The following AGL variants were observed in gnomAD, a reference collection of about 807,000 sequenced individuals.
AGL encodes the protein glycogen debranching enzyme.
A neutral mutation model predicts 199.3 loss-of-function variants in AGL; 128 were observed. The ratio of observed to expected loss-of-function variants is 0.64; its 90% CI spans 0.56 to 0.74. The LOEUF (loss-of-function observed/expected upper bound fraction) is 0.74, where lower values mean the gene tolerates loss of function less well. AGL is among the 30% of genes least tolerant of loss of function. AGL has a pLI of 0.00. For missense variants in AGL, 1,809 were observed against 1,820.8 expected (o/e 0.99, Z 0.12); for synonymous variants, 584 against 594.7 (o/e 0.98, Z 0.26).
At position 99,875,416 on chromosome 1, in the gene AGL, A is replaced by C; in HGVS notation, c.1244A>C (p.Lys415Thr). The C allele has an allele frequency of 1.2e-6, 2 of 1,614,154 alleles. No homozygotes were observed. The highest frequency in any genetic ancestry group is 1.7e-6 in the Non-Finnish European group (2 of 1,180,012). Residue 415 changes from lysine to threonine, a missense_variant, in exon 10 of 34, where the codon AAA becomes ACA. Physicochemically the swap from Lys to Thr is moderately conservative, Grantham distance 78. Transcript: ENST00000361915. ...FYERLAGHGP[K>T]LGPVTRKHPL... ...GAACGACTGGCTGGCCATGGTCCAA[A>C]ACTAGGACCTGTCACTAGAAAGCAT...
intron 13 of AGL, 39 bp from the exon 14 acceptor site, chr1:99,880,593 A>G (rs377409530): frequency 2.6e-5 from 42 of 1,601,920 alleles, no homozygotes; most frequent in Non-Finnish European, 3.5e-5. Flanking sequence ...CTGGACATAA[A>G]TAATGAAGAT....
intron 24 of AGL, among the ~76,000 whole-genome samples, chr1:99,894,343 C>T (rs1166153313): frequency 6.6e-6 from 1 of 152,110 alleles, no homozygotes; most frequent in Non-Finnish European, 1.5e-5. Context: ...TTGACTTTTT[C>T]ACAAAGACAG....
chr1:99,896,868 C>T (rs533860748), intron 25 of AGL, among the ~76,000 whole-genome samples: 9 of 152,138 alleles, frequency 5.9e-5, no homozygotes, highest in East Asian at 5.8e-4. Flanking sequence ...TGGAGTGCAG[C>T]GGCACAGTCT....
rs775498547 is a variant in AGL at position 99,902,707 on chromosome 1, C to A, written c.3613C>A (p.Gln1205Lys). The change falls in exon 27 of 34, where the codon CAG (glutamine) becomes AAG (lysine). Residue 1205 changes from glutamine (Q) to lysine (K), a missense_variant. Physicochemically the swap from Gln to Lys is moderately conservative, Grantham distance 53. Transcript: ENST00000361915. ...TLDQPLFEVIQEAMQKHMQGI... is the reference protein window; with the variant it reads ...TLDQPLFEVIKEAMQKHMQGI... Reference sequence around the variant, plus strand: ...GGATCAGCCATTGTTTGAAGTCATACAGGAAGCAATGCAAAAACACATGCA... The same window carrying A: ...GGATCAGCCATTGTTTGAAGTCATAAAGGAAGCAATGCAAAAACACATGCA... The A allele has an allele frequency of 6.2e-7, 1 of 1,613,306 alleles. No homozygotes were observed. The highest frequency in any genetic ancestry group is 8.5e-7 in the Non-Finnish European group (1 of 1,179,400).
chr1:99,901,760 T>C (rs956596016), intron 26 of AGL, among the ~76,000 whole-genome samples: 8 of 150,902 alleles, frequency 5.3e-5, no homozygotes, highest in African/African-American at 1.7e-4. Context: ...TTATATATGA[T>C]TGGGGGGGCT....
rs757088649 is a variant in AGL, at chr1:99,852,721, A to G, written c.82+1597A>G. On this transcript the variant is annotated intron_variant, in intron 2 of 33. Coordinates refer to ENST00000361915, the MANE Select transcript of AGL (RefSeq NM_000642.3). ...ATTTATTGGTGAGATGAAAGTGGTA[A>G]TTTCTGTTCTTCTACCTTTCTAGGT... The G allele has an allele frequency of 3.8e-6, 3 of 780,422 alleles. No homozygotes were observed. The African/African-American group carries it at 5.1e-5, about 13-fold the overall frequency. The allele number at this position is 780,422 out of a possible 1,614,324, so 48.3% of individuals were successfully genotyped here. A position where few individuals can be genotyped will look rare whatever the true frequency, so the allele number is the denominator to read the frequency against.
At chr1:99,863,071 C>T (rs931866789) in intron 4 of AGL, among the ~76,000 whole-genome samples, 3 of 151,900 alleles carry the variant, frequency 2.0e-5, no homozygotes, top group African/African-American at 2.4e-5. Flanking sequence ...TCCTGAGTAG[C>T]TGGGATTATA....
At position 99,881,390 on chromosome 1, in the gene AGL, A is replaced by G. The variant is rs1176932146; in HGVS notation, c.2100A>G (p.Ala700=). The change falls in exon 16 of 34, where the codon GCA becomes GCG. Residue 700 remains alanine (A), a synonymous_variant. Coordinates refer to ENST00000361915, the MANE Select transcript of AGL (RefSeq NM_000642.3). The part of the protein sequence containing the change: ...GEVNFQSGII[A]ARCAISKLHQ... ...TTAATTTCCAAAGCGGCATTATTGC[A>G]GCCAGGTGTGCTATCAGTAAACTTC... The G allele has an allele frequency of 6.2e-7, 1 of 1,614,070 alleles. No individual in the cohort carries two copies. The highest frequency in any genetic ancestry group is 1.7e-5 in the Admixed American group (1 of 60,000).
chr1:99,872,859 G>T (rs960490399), intron 7 of AGL, among the ~76,000 whole-genome samples: 1 of 152,122 alleles, frequency 6.6e-6, no homozygotes, highest in African/African-American at 2.4e-5. Flanking sequence ...TATTAATGAA[G>T]TATATTTTTA....
intron 1 of AGL, 105 bp downstream of exon 1, chr1:99,850,520 C>T (rs1000329504): frequency 2.5e-5 from 4 of 162,224 alleles, no homozygotes; most frequent in Non-Finnish European, 5.4e-5. Context: ...GAGGCAACAA[C>T]TGCTTCCCTC....
At chr1:99,906,512 G>A (rs1380547672) in intron 27 of AGL, among the ~76,000 whole-genome samples, 2 of 152,076 alleles carry the variant, frequency 1.3e-5, no homozygotes, top group African/African-American at 2.4e-5. Flanking sequence ...CTCTATACTC[G>A]TGAAACACTA....
chr1:99,912,280 G>A, intron 28 of AGL, 125 bp from the exon 29 acceptor site: 2 of 763,794 alleles, frequency 2.6e-6, no homozygotes, highest in Non-Finnish European at 4.3e-6. Context: ...TTCCTATAGA[G>A]TAAGGATTTT....
chr1:99,911,960 T>C (rs1007376961), intron 28 of AGL, among the ~76,000 whole-genome samples: 3 of 152,184 alleles, frequency 2.0e-5, no homozygotes, highest in Non-Finnish European at 1.5e-5. Flanking sequence ...TTACATGCTT[T>C]ACCAGTTTTT....
chr1:99,892,282 A>G, intron 23 of AGL, 150 bp from the exon 24 acceptor site: 2 of 742,276 alleles, frequency 2.7e-6, no homozygotes, highest in East Asian at 5.4e-5. Context: ...AGCAGTTTTG[A>G]AATCTAACCA....
intron 7 of AGL, among the ~76,000 whole-genome samples, chr1:99,873,926 T>G (rs1410650225): frequency 6.6e-6 from 1 of 152,218 alleles, no homozygotes; most frequent in African/African-American, 2.4e-5. Flanking sequence ...ACAAATTAAT[T>G]AGTTAATATA....
intron 30 of AGL, 60 bp downstream of exon 30, chr1:99,913,798 C>CTTA: frequency 6.7e-7 from 1 of 1,496,880 alleles, no homozygotes. Flanking sequence ...TGCTTAGTTC[C>CTTA]TTATTCCCAT....
chr1:99,908,690 A>G (rs1436081748), intron 27 of AGL, among the ~76,000 whole-genome samples: 1 of 152,116 alleles, frequency 6.6e-6, no homozygotes, highest in Non-Finnish European at 1.5e-5. Context: ...TGGCCTGACA[A>G]GTAGTTTTTC....
chr1:99,903,029 C>G (rs571651766), intron 27 of AGL, among the ~76,000 whole-genome samples: 4 of 152,112 alleles, frequency 2.6e-5, no homozygotes, highest in Non-Finnish European at 4.4e-5. Flanking sequence ...CTATAATAAT[C>G]GCCATGAACT....
In AGL at chr1:99,851,095, TG is replaced by T. The variant is rs1418531169; in HGVS notation, c.55del (p.Glu19LysfsTer17). On this transcript the variant is annotated frameshift_variant, in exon 2 of 34. Transcript: ENST00000361915. LOFTEE classifies it high-confidence loss of function. ...TTACTTCTGAACGAAATGGAGAAACTGGAAAAGACCCTCTTCAGACTTGAAC... is the reference window on the plus strand; with the variant it reads ...TTACTTCTGAACGAAATGGAGAAACTGAAAAGACCCTCTTCAGACTTGAAC... ...RILLLNEMEK[L>X]EKTLFRLEQG... 1.2e-6 allele frequency: 2 copies of T among 1,613,986 alleles called. No individual in the cohort carries two copies. Among genetic ancestry groups the T allele is most frequent in the African/African-American group, 2.7e-5 (2 of 74,926 alleles).
Sources: gnomAD v4.1 joint callset for allele counts (sites outside exome capture counted in the v4.1 genomes callset) on GRCh38, gnomAD v4.1.1 for gene constraint, MANE v1.5 for transcripts, NCBI Gene and HGNC (gene_info 2026-07-23, HGNC 2026-07-21) for gene names.